The following PRUNE1 variants were observed in gnomAD, a reference collection of about 807,000 sequenced individuals.
The protein encoded by PRUNE1 is exopolyphosphatase PRUNE1.
A neutral mutation model predicts 42.5 loss-of-function variants in PRUNE1; 25 were observed. The observed-to-expected ratio is 0.59, with a 90% CI of 0.43 to 0.82. PRUNE1 has a LOEUF of 0.82. Among genes scored for constraint, PRUNE1 ranks in the 40% least tolerant of loss-of-function variants. The probability of loss-of-function intolerance (pLI) is 0.00; values close to 1 mark genes in which losing one functional copy is unlikely to be tolerated. For synonymous variants in PRUNE1, 203 were observed against 217.1 expected (o/e 0.93, Z 0.57); for missense variants, 443 against 539.3 (o/e 0.82, Z 1.77).
In PRUNE1 at chr1:151,013,623, T is replaced by C. The variant is rs587620272; in HGVS notation, c.40-4189T>C. Among the ~76,000 whole-genome samples the C allele has an allele frequency of 5.9e-5, 9 of 152,302 alleles. No individual in the cohort carries two copies. The South Asian group carries it at 1.9e-3, about 32-fold the overall frequency. ...ATCTCTTTGGACCCTGCAGTAGGTC[T>C]CTCCTGCTTGCTCTGCCTTTTCTCC... On this transcript the variant is annotated intron_variant, in intron 1 of 7. Transcript: ENST00000271620.
At chr1:151,009,021 C>A (rs1348538775) in intron 1 of PRUNE1, among the ~76,000 whole-genome samples, 1 of 152,030 alleles carries the variant, frequency 6.6e-6, no homozygotes, top group African/African-American at 2.4e-5. Flanking sequence ...CCAGCCTAGC[C>A]CCGCGAGGTG....
chr1:151,015,028 C>CA (rs1024538208), intron 1 of PRUNE1, among the ~76,000 whole-genome samples: 1 of 151,952 alleles, frequency 6.6e-6, no homozygotes, highest in African/African-American at 2.4e-5. Context: ...CCCATCTCTA[C>CA]AAAAAATGCA....
intron 3 of PRUNE1, among the ~76,000 whole-genome samples, chr1:151,024,161 T>G (rs775526102): frequency 1.2e-4 from 17 of 137,390 alleles, no homozygotes; most frequent in Non-Finnish European, 2.4e-4. Context: ...CACTCCAACC[T>G]GGGCAACAGA....
chr1:151,034,267 T>C lies in PRUNE1; in HGVS notation c.*33T>C, dbSNP rs752417595. 6.3e-7 allele frequency: 1 copy of C among 1,577,236 alleles called. No homozygotes were observed. The highest frequency in any genetic ancestry group is 8.7e-7 in the Non-Finnish European group (1 of 1,155,060). On this transcript the variant is annotated 3_prime_UTR_variant, in exon 8 of 8. Transcript: ENST00000271620. ...GAGGCGAGGAGGTAGTGGGTGAGGC[T>C]ACCTGACTCACTTCAAATGCATGTT...
Position 151,008,497 on chromosome 1 carries a change from G to A in PRUNE1, c.-136G>A. 3.1e-6 allele frequency: 4 copies of A among 1,270,034 alleles called. No homozygotes were observed. The highest frequency in any genetic ancestry group is 1.5e-5 in the African/African-American group (1 of 68,090). The allele number at this position is 1,270,034 out of a possible 1,614,324, so 78.7% of individuals were successfully genotyped here. ...GGGTCGGAGGCCGATTCGCCGTGTG[G>A]CGGGTTCGAGTCCCGCCTCCTGACT... On this transcript the variant is annotated 5_prime_UTR_variant, in exon 1 of 8. Transcript: ENST00000271620.
chr1:151,021,820 T>TTGTG (rs587667625), intron 3 of PRUNE1, among the ~76,000 whole-genome samples: 226 of 148,096 alleles, frequency 1.5e-3, no homozygotes, highest in African/African-American at 5.0e-3. Context: ...CGGGATAATT[T>TTGTG]TGTGTGTGTG....
chr1:151,034,242 G>C lies in PRUNE1; in HGVS notation c.*8G>C. On this transcript the variant is annotated 3_prime_UTR_variant, in exon 8 of 8. Transcript: ENST00000271620. The stretch of plus-strand genomic sequence containing the variant: ...TCCCTGTCCAAGAAGTGACTGTTGA[G>C]AGGCGAGGAGGTAGTGGGTGAGGCT... The C allele has an allele frequency of 1.3e-6, 2 of 1,599,406 alleles. No homozygotes were observed. The highest frequency in any genetic ancestry group is 1.7e-6 in the Non-Finnish European group (2 of 1,169,048).
chr1:151,029,059 T>G, intron 7 of PRUNE1, 115 bp downstream of exon 7: 1 of 1,092,986 alleles, frequency 9.1e-7, no homozygotes, highest in Non-Finnish European at 1.3e-6. Context: ...TTAATGTACT[T>G]ACATGAGGTC....
intron 7 of PRUNE1, among the ~76,000 whole-genome samples, chr1:151,033,315 C>G (rs1356568746): frequency 6.6e-6 from 1 of 151,308 alleles, no homozygotes; most frequent in Non-Finnish European, 1.5e-5. Flanking sequence ...AAACTCCCGA[C>G]CTCAGGTGAT....
intron 2 of PRUNE1, 63 bp downstream of exon 2, chr1:151,017,967 G>A (rs1674204724): frequency 8.5e-7 from 1 of 1,171,310 alleles, no homozygotes. Context: ...CTGGATTCAA[G>A]ACCCAGCTCT....
intron 3 of PRUNE1, among the ~76,000 whole-genome samples, chr1:151,019,769 T>C (rs920391068): frequency 1.8e-4 from 27 of 151,926 alleles, no homozygotes; most frequent in African/African-American, 6.3e-4. Flanking sequence ...CCCTAAGTGC[T>C]GGTTTATAGG....
chr1:151,023,417 G>A (rs1006986091), intron 3 of PRUNE1, among the ~76,000 whole-genome samples: 1 of 151,792 alleles, frequency 6.6e-6, no homozygotes, highest in Non-Finnish European at 1.5e-5. Flanking sequence ...TATTGAGTGG[G>A]TTATAAAAAT....
chr1:151,015,332 G>GAAAA (rs587767612), intron 1 of PRUNE1, among the ~76,000 whole-genome samples: 1 of 56,422 alleles, frequency 1.8e-5, no homozygotes. Flanking sequence ...GACTCCATCT[G>GAAAA]AAAAAAAAAA....
intron 7 of PRUNE1, among the ~76,000 whole-genome samples, chr1:151,030,124 T>C (rs1675148801): frequency 6.6e-6 from 1 of 151,826 alleles, no homozygotes; most frequent in African/African-American, 2.4e-5. Context: ...TAGCTGGGCG[T>C]GGTGGTGCGT....
chr1:151,029,658 C>T (rs12744460), intron 7 of PRUNE1, among the ~76,000 whole-genome samples: 22,914 of 151,406 alleles, frequency 0.15, 2,076 homozygotes, highest in Non-Finnish European at 0.2. Flanking sequence ...TGAGCCACCG[C>T]GCCCAGCCGA....
At position 151,018,598 on chromosome 1, in the gene PRUNE1, G is replaced by C. The variant is rs866471269; in HGVS notation, c.264G>C (p.Glu88Asp). ...AGAGTATCTTGATTTTTCGGGATGA[G>C]ATTGACCTCCATGCATTATACCAGG... ...IPESILIFRDEIDLHALYQAG... is the reference protein window; with the variant it reads ...IPESILIFRDDIDLHALYQAG... The change falls in exon 3 of 8, where the codon GAG (glutamate) becomes GAC (aspartate). Residue 88 changes from glutamate (E) to aspartate (D), a missense_variant. Coordinates refer to ENST00000271620, the MANE Select transcript of PRUNE1 (RefSeq NM_021222.3). 6.8e-6 allele frequency: 11 copies of C among 1,614,168 alleles called. 1 individual carries two copies. In the Middle Eastern group the frequency reaches 1.8e-3, roughly 266 times the overall value.
At chr1:151,015,458 A>AC (rs1266025659) in intron 1 of PRUNE1, among the ~76,000 whole-genome samples, 1 of 151,866 alleles carries the variant, frequency 6.6e-6, no homozygotes, top group African/African-American at 2.4e-5. Context: ...ACATGGTGAA[A>AC]CCCCGTCTCT....
intron 1 of PRUNE1, among the ~76,000 whole-genome samples, chr1:151,014,858 T>C (rs1558074546): frequency 6.6e-6 from 1 of 152,196 alleles, no homozygotes; most frequent in Non-Finnish European, 1.5e-5. Context: ...CTAGGGATCC[T>C]GCCAAATATC....
chr1:151,027,478 C>A, intron 6 of PRUNE1, 151 bp downstream of exon 6: 1 of 618,412 alleles, frequency 1.6e-6, no homozygotes. Flanking sequence ...CAGAGTCCAG[C>A]ATCTCTCACT....
Sources: allele counts gnomAD v4.1 joint callset (sites outside exome capture counted in the v4.1 genomes callset), GRCh38; gene constraint gnomAD v4.1.1; transcripts MANE v1.5; gene names NCBI Gene and HGNC (gene_info 2026-07-23, HGNC 2026-07-21).